Variants in DSCAM observed in about 807,000 individuals in gnomAD.
DSCAM encodes cell adhesion molecule DSCAM.
DSCAM carries 47 observed loss-of-function variants against 217.7 expected under a neutral mutation model. That is an observed-to-expected ratio of 0.22 (90% CI 0.17 to 0.28). The LOEUF (loss-of-function observed/expected upper bound fraction) is 0.28. Ranked by LOEUF, DSCAM falls within the 10% of genes least tolerant of loss-of-function variation. DSCAM has a pLI of 1.00. For synonymous variants in DSCAM, 1,056 were observed against 1,015.3 expected (o/e 1.04, Z -0.76); for missense variants, 2,080 against 2,618.3 (o/e 0.79, Z 4.49).
chr21:40,296,309 A>T (rs2073953304), intron 9 of DSCAM, 135 bp from the exon 10 acceptor site: 1 of 1,100,934 alleles, frequency 9.1e-7, no homozygotes, highest in Admixed American at 3.0e-5. Flanking sequence ...CAATAAAAAC[A>T]CTATTGGCAG....
In DSCAM at chr21:40,033,457, C is replaced by T. The variant is rs555235705; in HGVS notation, c.5686+8914G>A. On this transcript the variant is annotated intron_variant, in intron 32 of 32. Transcript: ENST00000400454. ...GGGTCACTCCCACCCGAATACTGCG[C>T]TTTTCTGACGAGCTTAAAACACGGC... 7.9e-5 allele frequency among the ~76,000 whole-genome samples: 12 copies of T among 152,282 alleles called. No individual in the cohort carries two copies. In the South Asian group the frequency reaches 2.5e-3, roughly 32 times the overall value.
chr21:40,633,592 C>T (rs1002476721), intron 3 of DSCAM, among the ~76,000 whole-genome samples: 2 of 152,224 alleles, frequency 1.3e-5, no homozygotes, highest in Non-Finnish European at 2.9e-5. Flanking sequence ...TGTGTATCCA[C>T]AGCCACGTAC....
intron 32 of DSCAM, among the ~76,000 whole-genome samples, chr21:40,021,438 T>G (rs1371685725): frequency 6.6e-6 from 1 of 152,050 alleles, no homozygotes; most frequent in African/African-American, 2.4e-5. Context: ...GTGTGCACCA[T>G]ACAAGGACCA....
intron 3 of DSCAM, among the ~76,000 whole-genome samples, chr21:40,530,635 CA>C: frequency 6.6e-6 from 1 of 152,242 alleles, no homozygotes; most frequent in Non-Finnish European, 1.5e-5. Context: ...TCTATAGAGA[CA>C]GTTTTCCTCT....
At chr21:40,597,080 A>G (rs541389815) in intron 3 of DSCAM, among the ~76,000 whole-genome samples, 12 of 152,336 alleles carry the variant, frequency 7.9e-5, no homozygotes, top group African/African-American at 2.9e-4. Context: ...AATTTTACCA[A>G]CCCAATTAAT....
chr21:40,529,171 C>T (rs144963560), intron 3 of DSCAM, among the ~76,000 whole-genome samples: 331 of 152,156 alleles, frequency 2.2e-3, no homozygotes, highest in African/African-American at 7.5e-3. Flanking sequence ...CCCAAAATTA[C>T]AGACATAAGC....
At chr21:40,264,121 C>T (rs755207834) in intron 11 of DSCAM, among the ~76,000 whole-genome samples, 6 of 151,772 alleles carry the variant, frequency 4.0e-5, no homozygotes, top group Non-Finnish European at 8.8e-5. Context: ...TTCTACCAGA[C>T]ATTCAAAAAA....
intron 1 of DSCAM, among the ~76,000 whole-genome samples, chr21:40,721,357 A>G (rs1258285689): frequency 6.6e-6 from 1 of 152,234 alleles, no homozygotes; most frequent in African/African-American, 2.4e-5. Context: ...GAGAGATGAT[A>G]CAATTTGCAA....
At chr21:40,797,589 C>G (rs2091703196) in intron 1 of DSCAM, among the ~76,000 whole-genome samples, 1 of 152,106 alleles carries the variant, frequency 6.6e-6, no homozygotes, top group African/African-American at 2.4e-5. Flanking sequence ...AAAATTACTG[C>G]AAAATGTACA....
chr21:40,204,317 G>A (rs1601438385), intron 11 of DSCAM, among the ~76,000 whole-genome samples: 1 of 152,200 alleles, frequency 6.6e-6, no homozygotes, highest in South Asian at 2.1e-4. Flanking sequence ...ATGTGGATGT[G>A]TGTTTATGTT....
intron 11 of DSCAM, among the ~76,000 whole-genome samples, chr21:40,244,995 C>CGAGG (rs1230043680): frequency 4.9e-5 from 7 of 141,734 alleles, no homozygotes; most frequent in South Asian, 2.6e-4. Context: ...GGAAGAAAAT[C>CGAGG]GAGGGAGGGA....
intron 9 of DSCAM, among the ~76,000 whole-genome samples, chr21:40,302,548 A>G (rs547006065): frequency 5.4e-4 from 83 of 152,324 alleles, no homozygotes; most frequent in Non-Finnish European, 1.0e-3. Context: ...AGGGAGGAAG[A>G]GTAATTAAAG....
chr21:40,077,939 G>A (rs1333240158), intron 26 of DSCAM, among the ~76,000 whole-genome samples: 6 of 152,168 alleles, frequency 3.9e-5, no homozygotes, highest in Non-Finnish European at 8.8e-5. Flanking sequence ...GCATCAGCCC[G>A]CTGCTGCTGG....
chr21:40,751,405 G>C (rs529878895), intron 1 of DSCAM, among the ~76,000 whole-genome samples: 1 of 152,168 alleles, frequency 6.6e-6, no homozygotes, highest in Non-Finnish European at 1.5e-5. Context: ...TGTTCACACT[G>C]TATCCCCAGC....
chr21:40,246,763 C>T (rs2146952611), intron 11 of DSCAM, among the ~76,000 whole-genome samples: 1 of 152,146 alleles, frequency 6.6e-6, no homozygotes, highest in Admixed American at 6.5e-5. Context: ...GTGAGGAGTC[C>T]CCAGGATGCA....
intron 1 of DSCAM, among the ~76,000 whole-genome samples, chr21:40,787,623 T>A (rs1008501020): frequency 1.3e-5 from 2 of 152,236 alleles, no homozygotes; most frequent in African/African-American, 2.4e-5. Flanking sequence ...TCCTACTTTG[T>A]GCTAAGAAGC....
intron 4 of DSCAM, among the ~76,000 whole-genome samples, chr21:40,357,979 A>C (rs928053922): frequency 5.9e-5 from 9 of 152,228 alleles, no homozygotes; most frequent in Admixed American, 5.9e-4. Context: ...CTATGAAAAA[A>C]TAGCTGCAAA....
chr21:40,743,683 A>G (rs2091147536), intron 1 of DSCAM, among the ~76,000 whole-genome samples: 1 of 152,208 alleles, frequency 6.6e-6, no homozygotes, highest in Non-Finnish European at 1.5e-5. Context: ...AGTTATTCTG[A>G]TACCATGTTT....
chr21:40,649,693 G>C (rs933497842), intron 3 of DSCAM, among the ~76,000 whole-genome samples: 9 of 152,164 alleles, frequency 5.9e-5, no homozygotes, highest in Non-Finnish European at 1.0e-4. Flanking sequence ...GCTTTGAGAG[G>C]TGAGTGTGCC....
Sources: gnomAD v4.1 joint callset for allele counts (sites outside exome capture counted in the v4.1 genomes callset) on GRCh38, gnomAD v4.1.1 for gene constraint, MANE v1.5 for transcripts, NCBI Gene and HGNC (gene_info 2026-07-23, HGNC 2026-07-21) for gene names.